MINK1: variants seen among roughly 807,000 people sequenced by gnomAD.
MINK1 encodes the protein misshapen-like kinase 1.
In MINK1, 46 loss-of-function variants were observed where a neutral mutation model predicts 178.4. That is an observed-to-expected ratio of 0.26 (90% CI 0.20 to 0.33). The LOEUF (loss-of-function observed/expected upper bound fraction) is 0.33, where lower values mean the gene tolerates loss of function less well. Ranked by LOEUF, MINK1 falls within the 10% of genes least tolerant of loss-of-function variation. The pLI is 1.00. For missense variants in MINK1, 1,366 were observed against 1,814.9 expected (o/e 0.75, Z 4.49); for synonymous variants, 797 against 709.7 (o/e 1.12, Z -1.96).
intron 1 of MINK1, among the ~76,000 whole-genome samples, chr17:4,843,487 A>G (rs1320516999): frequency 6.6e-6 from 1 of 151,486 alleles, no homozygotes. Flanking sequence ...CAAAAAAAAA[A>G]GAAAGAAAAA....
intron 17 of MINK1, 79 bp downstream of exon 17, chr17:4,892,313 G>GC (rs1968911109): frequency 1.4e-6 from 2 of 1,454,406 alleles, no homozygotes; most frequent in Non-Finnish European, 1.8e-6. Flanking sequence ...GACTTTACCA[G>GC]CCTACCCGCC....
At chr17:4,835,128 C>G (rs1376263851) in intron 1 of MINK1, among the ~76,000 whole-genome samples, 1 of 152,052 alleles carries the variant, frequency 6.6e-6, no homozygotes, top group Non-Finnish European at 1.5e-5. Flanking sequence ...GGTCTGAAGG[C>G]TTTAGGAGGG....
rs1227703278 is a variant in MINK1, at chr17:4,896,240, A to C, written c.3513A>C (p.Val1171=). The C allele has an allele frequency of 1.2e-6, 2 of 1,606,062 alleles. No individual in the cohort carries two copies. Among genetic ancestry groups the C allele is most frequent in the Non-Finnish European group, 1.7e-6 (2 of 1,175,824 alleles). ...PHRPLLVDLT[V]EEGQRLKVIY... is the part of the protein sequence containing the mutation. ...GCCCTCTGCTGGTCGACCTGACAGT[A>C]GAGGAGGGGCAGCGGCTCAAGGTCA... Residue 1171 remains valine, a synonymous_variant, in exon 29 of 32, where the codon GTA becomes GTC. Coordinates refer to ENST00000355280, the MANE Select transcript of MINK1 (RefSeq NM_153827.5). The surrounding 1 kb of genome is among the most constrained non-coding windows in gnomAD (Gnocchi z 4.6).
Position 4,896,886 on chromosome 17 carries a change from G to T in MINK1, c.3915+73G>T. The T allele has an allele frequency of 6.8e-7, 1 of 1,465,944 alleles. No homozygotes were observed. Among genetic ancestry groups the T allele is most frequent in the South Asian group, 1.4e-5 (1 of 71,084 alleles). The allele number at this position is 1,465,944 out of a possible 1,614,324, so 90.8% of individuals were successfully genotyped here. A position where few individuals can be genotyped will look rare whatever the true frequency, so the allele number is the denominator to read the frequency against. On this transcript the variant is annotated intron_variant, in intron 31 of 31. Coordinates refer to ENST00000355280, the MANE Select transcript of MINK1 (RefSeq NM_153827.5). The surrounding 1 kb of genome is among the most constrained non-coding windows in gnomAD (Gnocchi z 4.6). ...ACCCTAGGCCCCTGGGCAGAGTTCT[G>T]GGGAGAGGATGGTGGTGGTGGCTTC...
chr17:4,876,398 G>A (rs866856957), intron 1 of MINK1, among the ~76,000 whole-genome samples: 13 of 152,174 alleles, frequency 8.5e-5, no homozygotes, highest in Non-Finnish European at 1.5e-4. Context: ...ACAGGGTGCC[G>A]GGGCACGTCT....
chr17:4,880,625 C>T (rs1196200056), intron 2 of MINK1, among the ~76,000 whole-genome samples: 7 of 147,326 alleles, frequency 4.8e-5, no homozygotes, highest in Admixed American at 3.4e-4. Context: ...TCGGGCCGGG[C>T]GCGGTGGCTC....
Position 4,886,776 on chromosome 17 carries a change from C to A in MINK1, c.949+150C>A. 1.1e-6 allele frequency: 1 copy of A among 933,660 alleles called. No homozygotes were observed. Among genetic ancestry groups the A allele is most frequent in the Non-Finnish European group, 1.5e-6 (1 of 645,166 alleles). 57.8% of individuals were successfully genotyped at this position (933,660 alleles called of 1,614,324 possible). Reference sequence around the variant, plus strand: ...AGGAGATCGTTCTCAAACTTGCAACCCCCAAGGGGTTTTCCCTCCTTTCCC... The same window carrying A: ...AGGAGATCGTTCTCAAACTTGCAACACCCAAGGGGTTTTCCCTCCTTTCCC... On this transcript the variant is annotated intron_variant, in intron 10 of 31. Coordinates refer to ENST00000355280, the MANE Select transcript of MINK1 (RefSeq NM_153827.5). This position sits in a 1 kb window ranked among gnomAD's most constrained non-coding sequence, Gnocchi z 6.1.
Position 4,886,593 on chromosome 17 carries a change from A to G in MINK1, c.916A>G (p.Ile306Val). The change falls in exon 10 of 32, where the codon ATT becomes GTT. Residue 306 changes from isoleucine to valine, a missense_variant. Physicochemically the swap from Ile to Val is conservative, Grantham distance 29 (BLOSUM62 3). Coordinates refer to ENST00000355280, the MANE Select transcript of MINK1 (RefSeq NM_153827.5). This position sits in a 1 kb window ranked among gnomAD's most constrained non-coding sequence, Gnocchi z 6.1. Reference sequence around the variant, plus strand: ...GGTCCGCATCCAGCTTAAGGACCACATTGACCGATCCCGGAAGAAGCGGGG... The same window carrying G: ...GGTCCGCATCCAGCTTAAGGACCACGTTGACCGATCCCGGAAGAAGCGGGG... ...RQVRIQLKDH[I>V]DRSRKKRGEK... 1.2e-6 allele frequency: 2 copies of G among 1,607,628 alleles called. No homozygotes were observed. Among genetic ancestry groups the G allele is most frequent in the South Asian group, 1.1e-5 (1 of 90,514 alleles).
intron 1 of MINK1, among the ~76,000 whole-genome samples, chr17:4,855,374 T>G (rs182813758): frequency 1.2e-3 from 177 of 150,532 alleles, no homozygotes; most frequent in Non-Finnish European, 1.5e-3. Flanking sequence ...TAGTCCCAGC[T>G]ACTCAGGAGG....
chr17:4,878,852 T>C (rs1450539929), intron 2 of MINK1, among the ~76,000 whole-genome samples: 1 of 152,220 alleles, frequency 6.6e-6, no homozygotes, highest in East Asian at 1.9e-4. Context: ...GCTCAGGCTT[T>C]TGGCTTTTGA....
At chr17:4,844,746 G>C (rs572559320) in intron 1 of MINK1, 11 of 312,878 alleles carry the variant, frequency 3.5e-5, no homozygotes, top group Non-Finnish European at 6.2e-5. Flanking sequence ...TGGTCTGCAG[G>C]AAAGATAGTC....
Position 4,885,540 on chromosome 17 carries a change from T to C in MINK1, c.566T>C (p.Ile189Thr), listed in dbSNP as rs746526540. 5.0e-6 allele frequency: 8 copies of C among 1,613,962 alleles called. No individual in the cohort carries two copies. Among genetic ancestry groups the C allele is most frequent in the South Asian group, 1.1e-5 (1 of 91,086 alleles). ...ACCGTGGGCAGACGGAACACTTTCA[T>C]TGGGACTCCCTACTGGATGGCTCCA... ...DRTVGRRNTFIGTPYWMAPEV... is the reference protein window; with the variant it reads ...DRTVGRRNTFTGTPYWMAPEV... Residue 189 changes from isoleucine to threonine, a missense_variant, in exon 7 of 32, where the codon ATT becomes ACT. Transcript: ENST00000355280. This position sits in a 1 kb window ranked among gnomAD's most constrained non-coding sequence, Gnocchi z 5.0.
intron 2 of MINK1, among the ~76,000 whole-genome samples, chr17:4,880,218 G>C (rs558557493): frequency 3.9e-5 from 6 of 152,216 alleles, no homozygotes; most frequent in East Asian, 3.9e-4. Context: ...GATGGCTCAG[G>C]AGCGCTCTCT....
intron 20 of MINK1, 80 bp from the exon 21 acceptor site, chr17:4,893,354 G>T (rs750575472): frequency 6.2e-6 from 10 of 1,612,502 alleles, no homozygotes; most frequent in Non-Finnish European, 8.5e-6. Context: ...CTGTCGCCCT[G>T]CTGGGGTGTC....
Position 4,886,302 on chromosome 17 carries a change from A to G in MINK1, c.773+104A>G. On this transcript the variant is annotated intron_variant, in intron 9 of 31. Coordinates refer to ENST00000355280, the MANE Select transcript of MINK1 (RefSeq NM_153827.5). This position sits in a 1 kb window ranked among gnomAD's most constrained non-coding sequence, Gnocchi z 6.1. Reference sequence around the variant, plus strand: ...AGGCTTGGATCTCACCAGAGAAGAGATTCTGGGGGGCAGAGGGCGGTGACT... The same window carrying G: ...AGGCTTGGATCTCACCAGAGAAGAGGTTCTGGGGGGCAGAGGGCGGTGACT... 1 of 1,526,518 alleles carries G rather than the reference A, an allele frequency of 6.6e-7. No individual in the cohort carries two copies. The highest frequency in any genetic ancestry group is 1.1e-5 in the South Asian group (1 of 89,198). 94.6% of individuals were successfully genotyped at this position (1,526,518 alleles called of 1,614,324 possible).
In MINK1 at chr17:4,885,591, C is replaced by T. The variant is rs745351752; in HGVS notation, c.617C>T (p.Pro206Leu). 1.2e-6 allele frequency: 2 copies of T among 1,613,862 alleles called. No individual in the cohort carries two copies. The highest frequency in any genetic ancestry group is 1.7e-6 in the Non-Finnish European group (2 of 1,179,900). ...APEVIACDEN[P>L]DATYDYRSDI... ...GAGGTCATCGCCTGTGATGAGAACC[C>T]TGATGCCACCTATGATTACAGGGTA... The change falls in exon 7 of 32, where the codon CCT (proline) becomes CTT (leucine). Residue 206 changes from proline to leucine, a missense_variant. By Grantham distance (98) the Pro-to-Leu change is moderately conservative. This residue lies in a region of MINK1 where 109 missense variants were observed against 369.4 expected (regional missense o/e 0.30). Transcript: ENST00000355280. The surrounding 1 kb of genome is among the most constrained non-coding windows in gnomAD (Gnocchi z 5.0).
At chr17:4,853,461 T>C (rs1390517787) in intron 1 of MINK1, among the ~76,000 whole-genome samples, 1 of 105,788 alleles carries the variant, frequency 9.5e-6, no homozygotes, top group Non-Finnish European at 2.0e-5. Context: ...GTGTGGTTGG[T>C]GGGAAGAGTG....
chr17:4,896,985 G>A lies in MINK1; in HGVS notation c.3915+172G>A, dbSNP rs570185232. On this transcript the variant is annotated intron_variant, in intron 31 of 31. Coordinates refer to ENST00000355280, the MANE Select transcript of MINK1 (RefSeq NM_153827.5). The surrounding 1 kb of genome is among the most constrained non-coding windows in gnomAD (Gnocchi z 4.6). ...CTGCCCTGCGCTCCCTTCAGATTCCGAGGACTTCCCAGCTGGCCCCCAGGG... is the reference window on the plus strand; with the variant it reads ...CTGCCCTGCGCTCCCTTCAGATTCCAAGGACTTCCCAGCTGGCCCCCAGGG... 7.7e-5 allele frequency: 81 copies of A among 1,046,082 alleles called. No homozygotes were observed. The South Asian group carries it at 9.9e-4, about 13-fold the overall frequency. 64.8% of individuals were successfully genotyped at this position (1,046,082 alleles called of 1,614,324 possible).
Position 4,878,352 on chromosome 17 carries a change from C to T in MINK1, c.93C>T (p.Val31=), listed in dbSNP as rs761860349. ...PAGIFELVEV[V]GNGTYGQVYK... Reference sequence around the variant, plus strand: ...GGATCTTTGAGCTTGTGGAGGTGGTCGGCAATGGAACCTACGGACAGGTGT... The same window carrying T: ...GGATCTTTGAGCTTGTGGAGGTGGTTGGCAATGGAACCTACGGACAGGTGT... Residue 31 remains valine, a synonymous_variant, in exon 2 of 32, where the codon GTC becomes GTT. Transcript: ENST00000355280. 8.5e-6 allele frequency: 13 copies of T among 1,537,250 alleles called. No homozygotes were observed. In the African/African-American group the frequency reaches 9.6e-5, roughly 11 times the overall value.
Sources: gnomAD v4.1 joint callset for allele counts (sites outside exome capture counted in the v4.1 genomes callset) on GRCh38, gnomAD v4.1.1 for gene constraint, gnomAD v4.1.1 regional missense constraint, Gnocchi (gnomAD v3.1) non-coding constraint, MANE v1.5 for transcripts, NCBI Gene and HGNC (gene_info 2026-07-23, HGNC 2026-07-21) for gene names.